CNTNAP2: variants seen among roughly 807,000 people sequenced by gnomAD.
CNTNAP2 encodes the protein contactin-associated protein-like 2.
A neutral mutation model predicts 155.2 loss-of-function variants in CNTNAP2; 98 were observed. The observed-to-expected ratio is 0.63, with a 90% confidence interval of 0.54 to 0.75. CNTNAP2 has a LOEUF of 0.75. Among genes scored for constraint, CNTNAP2 ranks in the 30% least tolerant of loss-of-function variants. The pLI is 0.00. For missense variants in CNTNAP2, 1,727 were observed against 1,688.1 expected, an observed-to-expected ratio of 1.02 and a Z score of -0.40; for synonymous variants, 651 against 631.2, an observed-to-expected ratio of 1.03 and a Z score of -0.47.
intron 11 of CNTNAP2, among the ~76,000 whole-genome samples, chr7:147,531,985 T>A (rs1444409220): frequency 6.6e-6 from 1 of 151,904 alleles, no homozygotes; most frequent in Non-Finnish European, 1.5e-5. Flanking sequence ...TTTTTTGTAT[T>A]TTTAGTAGAG....
intron 3 of CNTNAP2, among the ~76,000 whole-genome samples, chr7:147,040,427 T>C (rs1364752150): frequency 6.6e-6 from 1 of 150,934 alleles, no homozygotes; most frequent in African/African-American, 2.4e-5. Flanking sequence ...TCTGCCTCTC[T>C]AGCATCATAT....
intron 15 of CNTNAP2, among the ~76,000 whole-genome samples, chr7:148,061,011 C>T (rs1803117860): frequency 6.6e-6 from 1 of 152,088 alleles, no homozygotes. Flanking sequence ...AGTTTGAGAC[C>T]AAAAGGTTTT....
At position 146,133,889 on chromosome 7, in the gene CNTNAP2, C is replaced by T. The variant is rs556280672; in HGVS notation, c.97+16916C>T. Among the ~76,000 whole-genome samples, 100 of 151,930 alleles carry T rather than the reference C, an allele frequency of 6.6e-4. 3 individuals carry two copies. In the South Asian group the frequency reaches 0.017, roughly 26 times the overall value. On this transcript the variant is annotated intron_variant, in intron 1 of 23. Coordinates refer to ENST00000361727, the MANE Select transcript of CNTNAP2 (RefSeq NM_014141.6). ...TTCTGTTGGCTTAGGATTGACTTGG[C>T]GATGCGGGCTCTTTTTTGGTTCCAT...
chr7:146,872,270 C>A (rs1795327925), intron 3 of CNTNAP2, among the ~76,000 whole-genome samples: 2 of 150,596 alleles, frequency 1.3e-5, no homozygotes, highest in South Asian at 4.2e-4. Context: ...TATAGACCAC[C>A]CCCCAAAAAA....
rs1480131637 is a variant in CNTNAP2 at position 147,377,035 on chromosome 7, AG to A, written c.1499-18573del. Among the ~76,000 whole-genome samples, 6 of 151,954 alleles carry A rather than the reference AG, an allele frequency of 3.9e-5. No individual in the cohort carries two copies. The East Asian group carries it at 9.7e-4, about 24-fold the overall frequency. The stretch of plus-strand genomic sequence containing the variant: ...CAGAAATAGTATTTTGCTAGATTTA[AG>A]AAAAAATCAATAGTTCTGTCTTTTC... On this transcript the variant is annotated intron_variant, in intron 9 of 23. Coordinates refer to ENST00000361727, the MANE Select transcript of CNTNAP2 (RefSeq NM_014141.6).
At chr7:147,827,614 C>T (rs970348063) in intron 13 of CNTNAP2, among the ~76,000 whole-genome samples, 8 of 152,096 alleles carry the variant, frequency 5.3e-5, no homozygotes, top group Admixed American at 3.9e-4. Flanking sequence ...ATGTTACTTA[C>T]CTTTAGGATT....
chr7:146,494,119 G>A (rs1020697232), intron 1 of CNTNAP2, among the ~76,000 whole-genome samples: 46 of 152,138 alleles, frequency 3.0e-4, no homozygotes, highest in Admixed American at 5.2e-4. Context: ...CGGATCACAA[G>A]GTCAGGAGAT....
chr7:147,376,801 A>G (rs1796442220), intron 9 of CNTNAP2, among the ~76,000 whole-genome samples: 5 of 152,020 alleles, frequency 3.3e-5, no homozygotes. Context: ...TTCAGACACC[A>G]GCACCTTGAA....
At chr7:147,851,517 C>T (rs1443837692) in intron 13 of CNTNAP2, among the ~76,000 whole-genome samples, 1 of 152,100 alleles carries the variant, frequency 6.6e-6, no homozygotes, top group Admixed American at 6.5e-5. Context: ...GACTTGGAAC[C>T]AACCCAAATA....
At chr7:148,241,335 T>C (rs1319980900) in intron 20 of CNTNAP2, among the ~76,000 whole-genome samples, 1 of 152,226 alleles carries the variant, frequency 6.6e-6, no homozygotes, top group Non-Finnish European at 1.5e-5. Flanking sequence ...TCAGGATCAG[T>C]ACCAACAGGC....
At position 146,238,938 on chromosome 7, in the gene CNTNAP2, A is replaced by G. The variant is rs557227317; in HGVS notation, c.97+121965A>G. ...TGGGGGAAACCACGCCCATGATTCA[A>G]TTACCTCCACCTGGTCTCTCCCTTG... On this transcript the variant is annotated intron_variant, in intron 1 of 23. Coordinates refer to ENST00000361727, the MANE Select transcript of CNTNAP2 (RefSeq NM_014141.6). 2.6e-5 allele frequency among the ~76,000 whole-genome samples: 4 copies of G among 152,318 alleles called. No homozygotes were observed. In the South Asian group the frequency reaches 6.2e-4, roughly 24 times the overall value.
At chr7:146,513,731 CAGTGTT>C (rs1383517138) in intron 1 of CNTNAP2, among the ~76,000 whole-genome samples, 2 of 151,904 alleles carry the variant, frequency 1.3e-5, no homozygotes, top group Non-Finnish European at 2.9e-5. Flanking sequence ...ATTGCAATGA[CAGTGTT>C]AGAGTATTCT....
At chr7:146,292,340 A>G (rs1800442679) in intron 1 of CNTNAP2, among the ~76,000 whole-genome samples, 1 of 152,302 alleles carries the variant, frequency 6.6e-6, no homozygotes, top group East Asian at 1.9e-4. Context: ...ATGTCCCTGC[A>G]AAGGACATGA....
chr7:148,268,992 T>C (rs1467101596), intron 21 of CNTNAP2, among the ~76,000 whole-genome samples: 1 of 152,082 alleles, frequency 6.6e-6, no homozygotes, highest in Non-Finnish European at 1.5e-5. Flanking sequence ...ATGCTGAGGC[T>C]GTCCAGGTAA....
At position 147,078,899 on chromosome 7, in the gene CNTNAP2, G is replaced by A. The variant is rs146422382; in HGVS notation, c.551-29248G>A. On this transcript the variant is annotated intron_variant, in intron 4 of 23. Coordinates refer to ENST00000361727, the MANE Select transcript of CNTNAP2 (RefSeq NM_014141.6). ...CGAGTAGCTGGGATTACAGGTGTGC[G>A]CCACCATGCCCAGCTAATTTTTTTT... is the stretch of plus-strand genomic sequence containing the variant. Among the ~76,000 whole-genome samples, 38 of 151,912 alleles carry A rather than the reference G, an allele frequency of 2.5e-4. No individual in the cohort carries two copies. The East Asian group carries it at 5.9e-3, about 24-fold the overall frequency.
chr7:147,103,752 A>T (rs1008119206), intron 4 of CNTNAP2, among the ~76,000 whole-genome samples: 26 of 151,852 alleles, frequency 1.7e-4, no homozygotes, highest in Non-Finnish European at 7.4e-5. Context: ...TAATTGAAAA[A>T]TAAAAATTGT....
chr7:147,703,022 G>GCATT (rs200429375), intron 13 of CNTNAP2, among the ~76,000 whole-genome samples: 2,501 of 152,150 alleles, frequency 0.016, 219 homozygotes, highest in Admixed American at 0.15. Context: ...TTCAAGCAAT[G>GCATT]GTAAGAAGTG....
At chr7:147,204,926 TA>T in intron 8 of CNTNAP2, among the ~76,000 whole-genome samples, 1 of 152,288 alleles carries the variant, frequency 6.6e-6, no homozygotes, top group East Asian at 1.9e-4. Flanking sequence ...TTGTTTAACA[TA>T]TTAAAGTAAT....
intron 19 of CNTNAP2, among the ~76,000 whole-genome samples, chr7:148,227,889 G>GTGTGTGTGTC (rs1795883528): frequency 1.8e-5 from 1 of 55,316 alleles, no homozygotes; most frequent in African/African-American, 6.1e-5. Context: ...CACAGCGTGT[G>GTGTGTGTGTC]TGTGTGTGTG....
Sources: allele counts gnomAD v4.1 joint callset (sites outside exome capture counted in the v4.1 genomes callset), GRCh38; gene constraint gnomAD v4.1.1; transcripts MANE v1.5; gene names NCBI Gene and HGNC (gene_info 2026-07-23, HGNC 2026-07-21).